CACNA2D3: variants seen among roughly 807,000 people sequenced by gnomAD.
CACNA2D3 encodes the protein voltage-dependent calcium channel subunit alpha-2/delta-3.
In CACNA2D3, 60 loss-of-function variants were observed where a neutral mutation model predicts 160.6. The observed-to-expected ratio is 0.37, with a 90% CI of 0.30 to 0.46. CACNA2D3 has a LOEUF of 0.46. Ranked by LOEUF, CACNA2D3 falls within the 20% of genes least tolerant of loss-of-function variation. The pLI, the probability that CACNA2D3 is intolerant of heterozygous loss-of-function variation, is 1.00. For synonymous variants in CACNA2D3, 558 were observed against 492.9 expected (o/e 1.13, Z -1.75); for missense variants, 1,205 against 1,365.0 (o/e 0.88, Z 1.85).
rs183749069 is a variant in CACNA2D3, at chr3:54,701,753, T to C, written c.1168-50846T>C. ...AGAACTAGAATAAACTATTCTAAAA[T>C]TTTCATGGAACCAAAAATGAGTCTG... On this transcript the variant is annotated intron_variant, in intron 11 of 37. Coordinates refer to ENST00000474759, the MANE Select transcript of CACNA2D3 (RefSeq NM_018398.3). Among the ~76,000 whole-genome samples, 3 of 152,276 alleles carry C rather than the reference T, an allele frequency of 2.0e-5. No individual in the cohort carries two copies. The East Asian group carries it at 5.8e-4, about 29-fold the overall frequency.
At chr3:54,998,216 AC>A (rs1169025072) in intron 31 of CACNA2D3, among the ~76,000 whole-genome samples, 8 of 137,868 alleles carry the variant, frequency 5.8e-5, no homozygotes, top group Non-Finnish European at 1.2e-4. Flanking sequence ...GTTCACTGCC[AC>A]CTCCGCCTCC....
intron 14 of CACNA2D3, among the ~76,000 whole-genome samples, chr3:54,821,664 CTTT>C (rs1703599216): frequency 9.0e-6 from 1 of 110,928 alleles, no homozygotes; most frequent in African/African-American, 3.1e-5. Flanking sequence ...TTCTTTCTTT[CTTT>C]CTTTCTTTCT....
At chr3:54,661,782 G>T (rs1699975510) in intron 11 of CACNA2D3, among the ~76,000 whole-genome samples, 1 of 151,846 alleles carries the variant, frequency 6.6e-6, no homozygotes, top group Admixed American at 6.6e-5. Context: ...AGTCTCTCCA[G>T]GCTCTCAAGA....
At chr3:55,023,116 T>C (rs1329403253) in intron 35 of CACNA2D3, among the ~76,000 whole-genome samples, 9 of 152,156 alleles carry the variant, frequency 5.9e-5, no homozygotes, top group Admixed American at 5.9e-4. Context: ...TCAACAGTGA[T>C]GGTTTATCTC....
chr3:54,904,764 T>C (rs1373242445), intron 27 of CACNA2D3, among the ~76,000 whole-genome samples: 2 of 152,224 alleles, frequency 1.3e-5, no homozygotes, highest in Admixed American at 6.5e-5. Context: ...ACCTTCTTTA[T>C]GTAGGTACAT....
At chr3:54,195,219 T>C (rs1036458857) in intron 2 of CACNA2D3, among the ~76,000 whole-genome samples, 3 of 152,218 alleles carry the variant, frequency 2.0e-5, no homozygotes, top group Non-Finnish European at 4.4e-5. Context: ...CAGGGCATTC[T>C]GATGCATGTG....
At chr3:54,168,832 T>C (rs1700504984) in intron 2 of CACNA2D3, among the ~76,000 whole-genome samples, 1 of 152,188 alleles carries the variant, frequency 6.6e-6, no homozygotes, top group Non-Finnish European at 1.5e-5. Flanking sequence ...TCTCATCTAT[T>C]TCAATATTTA....
intron 11 of CACNA2D3, among the ~76,000 whole-genome samples, chr3:54,694,859 C>G (rs1700635191): frequency 6.6e-6 from 1 of 152,102 alleles, no homozygotes; most frequent in South Asian, 2.1e-4. Flanking sequence ...ATAAGGTTTT[C>G]CAGTGAATGC....
chr3:54,305,286 A>G lies in CACNA2D3; in HGVS notation c.205-15156A>G, dbSNP rs151193624. ...TCTTTGTGAAGAATTTTAATAACCT[A>G]GTGGTACATAGGGAAAAAATTATAG... On this transcript the variant is annotated intron_variant, in intron 2 of 37. Transcript: ENST00000474759. Among the ~76,000 whole-genome samples, 119 of 152,382 alleles carry G rather than the reference A, an allele frequency of 7.8e-4. No homozygotes were observed. The East Asian group carries it at 0.021, about 27-fold the overall frequency.
chr3:54,429,192 G>C (rs1014435518), intron 4 of CACNA2D3, among the ~76,000 whole-genome samples: 4 of 152,116 alleles, frequency 2.6e-5, no homozygotes, highest in African/African-American at 9.7e-5. Context: ...TTTTCCCCCA[G>C]AGCATGGCTA....
chr3:54,579,343 G>C (rs6785722), intron 8 of CACNA2D3, among the ~76,000 whole-genome samples: 64,878 of 151,806 alleles, frequency 0.43, 14,602 homozygotes, highest in Non-Finnish European at 0.51. Context: ...TCTTCCTGCT[G>C]TGTCTTCCTT....
chr3:54,618,375 G>GTGCA (rs1698906241), intron 9 of CACNA2D3, among the ~76,000 whole-genome samples: 2 of 115,514 alleles, frequency 1.7e-5, no homozygotes, highest in Non-Finnish European at 3.4e-5. Flanking sequence ...ATATATATAT[G>GTGCA]CACACACACA....
chr3:54,896,868 C>T lies in CACNA2D3; in HGVS notation c.2366C>T (p.Thr789Ile). Reference sequence around the variant, plus strand: ...TTCGTCTACTCGATCCCATTCAGCACTGGTGGGTGCCCTTGTTGGAGGCGG... The same window carrying T: ...TTCGTCTACTCGATCCCATTCAGCATTGGTGGGTGCCCTTGTTGGAGGCGG... ...GSFVYSIPFSTGPVNKSNVVT... is the reference protein window; with the variant it reads ...GSFVYSIPFSIGPVNKSNVVT... The change falls in exon 26 of 38, where the codon ACT becomes ATT. Residue 789 changes from threonine (T) to isoleucine (I), a missense_variant and splice_region_variant. This residue lies in a region of CACNA2D3 where 911 missense variants were observed against 1,002.2 expected (regional missense o/e 0.91). Transcript: ENST00000474759. 6.2e-7 allele frequency: 1 copy of T among 1,613,986 alleles called. No individual in the cohort carries two copies.
intron 23 of CACNA2D3, 150 bp from the exon 24 acceptor site, chr3:54,887,809 T>A: frequency 1.6e-6 from 1 of 631,960 alleles, no homozygotes; most frequent in South Asian, 1.9e-5. Flanking sequence ...CAGAACTGTT[T>A]CATATTTTCA....
chr3:54,822,832 TTTTCTTTC>T lies in CACNA2D3; in HGVS notation c.1398+5986_1398+5993del, dbSNP rs60981421. 5.0e-4 allele frequency among the ~76,000 whole-genome samples: 29 copies of T among 58,014 alleles called. 1 individual carries two copies. The highest frequency in any genetic ancestry group is 1.9e-3 in the African/African-American group (22 of 11,498). 38.1% of individuals were successfully genotyped at this position (58,014 alleles called of 152,430 possible). On this transcript the variant is annotated intron_variant, in intron 14 of 37. Coordinates refer to ENST00000474759, the MANE Select transcript of CACNA2D3 (RefSeq NM_018398.3). ...CTTTCTTTCTTTCTTTCTTTCTTTC[TTTTCTTTC>T]TTTCTTTCTTTCTTTCTTTCTTTTT...
intron 4 of CACNA2D3, among the ~76,000 whole-genome samples, chr3:54,427,377 C>A (rs1031405993): frequency 6.6e-6 from 1 of 152,010 alleles, no homozygotes; most frequent in Admixed American, 6.5e-5. Flanking sequence ...TAAGATGTGC[C>A]GGGAGGGCCT....
rs567448478 is a variant in CACNA2D3, at chr3:54,626,491, G to A, written c.964-1296G>A. On this transcript the variant is annotated intron_variant, in intron 9 of 37. Coordinates refer to ENST00000474759, the MANE Select transcript of CACNA2D3 (RefSeq NM_018398.3). ...CCTGCCCGAGATGGTGGGCAGCATG[G>A]TGGGCGTCTACAACGGCAAGACCTT... is the stretch of plus-strand genomic sequence containing the variant. The A allele has an allele frequency of 8.1e-6, 13 of 1,607,622 alleles. No homozygotes were observed. The South Asian group carries it at 1.2e-4, about 15-fold the overall frequency.
chr3:54,813,735 A>T (rs1703386331), intron 13 of CACNA2D3, among the ~76,000 whole-genome samples: 1 of 152,154 alleles, frequency 6.6e-6, no homozygotes. Flanking sequence ...ACCTAGCAGG[A>T]TAGAAAGGCA....
chr3:55,033,877 ATTACATATT>A (rs1703755814), intron 35 of CACNA2D3, among the ~76,000 whole-genome samples: 2 of 127,656 alleles, frequency 1.6e-5, no homozygotes, highest in Non-Finnish European at 3.2e-5. Context: ...TATAATATAT[ATTACATATT>A]AAGTATATTT....
Sources: allele counts gnomAD v4.1 joint callset (sites outside exome capture counted in the v4.1 genomes callset), GRCh38; gene constraint gnomAD v4.1.1; regional missense constraint gnomAD v4.1.1; transcripts MANE v1.5; gene names NCBI Gene and HGNC (gene_info 2026-07-23, HGNC 2026-07-21).